The following POP1 variants were observed in gnomAD, a reference collection of about 807,000 sequenced individuals.
POP1 encodes the protein POP1 ribonuclease P/MRP subunit.
A neutral mutation model predicts 102.2 loss-of-function variants in POP1; 75 were observed. The ratio of observed to expected loss-of-function variants is 0.73; its 90% CI spans 0.61 to 0.89. POP1 has a LOEUF of 0.89. Ranked by LOEUF, POP1 falls within the 40% of genes least tolerant of loss-of-function variation. The pLI is 0.00. For synonymous variants in POP1, 436 were observed against 464.1 expected, an observed-to-expected ratio of 0.94 and a Z score of 0.78; for missense variants, 1,116 against 1,267.4, an observed-to-expected ratio of 0.88 and a Z score of 1.81.
At position 98,158,367 on chromosome 8, in the gene POP1, G is replaced by A; in HGVS notation, c.*96G>A. ...ATCTGCTTCTGCTTTAAAATATCAT[G>A]TGAAACTCCCTGGAAACAAGAATAA... On this transcript the variant is annotated 3_prime_UTR_variant, in exon 16 of 16. Transcript: ENST00000401707. 1 of 1,355,194 alleles carries A rather than the reference G, an allele frequency of 7.4e-7. No homozygotes were observed. The highest frequency in any genetic ancestry group is 1.0e-6 in the Non-Finnish European group (1 of 961,540). The allele number at this position is 1,355,194 out of a possible 1,614,324, so 83.9% of individuals were successfully genotyped here.
rs1816477327 is a variant in POP1 at position 98,134,605 on chromosome 8, T to G, written c.957T>G (p.Gly319=). Reference sequence around the variant, plus strand: ...TCTGGAAGTCCCAGAGGACCCCGGGTGACCCTTCTGAGAGCAGGCAGCTGT... The same window carrying G: ...TCTGGAAGTCCCAGAGGACCCCGGGGGACCCTTCTGAGAGCAGGCAGCTGT... ...TFIWKSQRTP[G]DPSESRQLWI... is the part of the protein sequence containing the mutation. The change falls in exon 7 of 16, where the codon GGT becomes GGG. Residue 319 remains glycine, a synonymous_variant. Transcript: ENST00000401707. 1.9e-6 allele frequency: 3 copies of G among 1,614,018 alleles called. No individual in the cohort carries two copies. The Admixed American group carries it at 5.0e-5, about 27-fold the overall frequency.
At chr8:98,123,121 T>A (rs2130575243) in intron 1 of POP1, among the ~76,000 whole-genome samples, 1 of 152,320 alleles carries the variant, frequency 6.6e-6, no homozygotes, top group South Asian at 2.1e-4. Flanking sequence ...TCCATAGCAA[T>A]CTTATCTCAT....
intron 15 of POP1, 102 bp downstream of exon 15, chr8:98,156,514 A>C: frequency 6.8e-7 from 1 of 1,466,076 alleles, no homozygotes; most frequent in Non-Finnish European, 9.3e-7. Context: ...GCAAAATCCA[A>C]GTGAATTTAT....
rs755867618 is a variant in POP1, at chr8:98,158,692, G to A, written c.*421G>A. On this transcript the variant is annotated 3_prime_UTR_variant, in exon 16 of 16. Transcript: ENST00000401707. The stretch of plus-strand genomic sequence containing the variant: ...GTTATAGCAGAAGACAAGAGAAGAC[G>A]CTTGGCCTCTGTACATGAAATATGG... 2 of 179,406 alleles carry A rather than the reference G, an allele frequency of 1.1e-5. No homozygotes were observed. The highest frequency in any genetic ancestry group is 2.3e-5 in the Non-Finnish European group (2 of 85,126). 11.1% of individuals were successfully genotyped at this position (179,406 alleles called of 1,614,324 possible).
rs150709391 is a variant in POP1, at chr8:98,127,708, G to T, written c.256G>T (p.Gly86Ter). 5 of 1,613,990 alleles carry T rather than the reference G, an allele frequency of 3.1e-6. No individual in the cohort carries two copies. In the African/African-American group the frequency reaches 6.7e-5, roughly 22 times the overall value. ...CAAAGGGATGTTTAGAAAAAAGGGAGGATGGAAAGCAGGTCCCGAGGGCAC... is the reference window on the plus strand; with the variant it reads ...CAAAGGGATGTTTAGAAAAAAGGGATGATGGAAAGCAGGTCCCGAGGGCAC... Reference protein sequence around the residue: ...SSKGMFRKKGGWKAGPEGTSQ... With the variant: ...SSKGMFRKKG The change falls in exon 3 of 16, where the codon GGA (glycine) becomes TGA (stop). Residue 86 changes from glycine to a stop codon, truncating the protein, a stop_gained. Transcript: ENST00000401707. LOFTEE classifies it high-confidence loss of function.
chr8:98,154,031 AAG>A (rs1396075640), intron 14 of POP1, among the ~76,000 whole-genome samples: 2 of 152,172 alleles, frequency 1.3e-5, no homozygotes, highest in Non-Finnish European at 2.9e-5. Flanking sequence ...TTCATGAAAA[AAG>A]AGGCACAGCT....
At chr8:98,121,087 T>C (rs2130570949) in intron 1 of POP1, among the ~76,000 whole-genome samples, 1 of 152,328 alleles carries the variant, frequency 6.6e-6, no homozygotes, top group Admixed American at 6.5e-5. Flanking sequence ...CTGGCCTGTA[T>C]ATAATGTTTA....
chr8:98,128,416 C>G lies in POP1; in HGVS notation c.362C>G (p.Ala121Gly). The G allele has an allele frequency of 6.2e-7, 1 of 1,614,154 alleles. No homozygotes were observed. The highest frequency in any genetic ancestry group is 1.3e-5 in the African/African-American group (1 of 75,046). The change falls in exon 4 of 16, where the codon GCT becomes GGT. Residue 121 changes from alanine (A) to glycine (G), a missense_variant. Physicochemically the swap from Ala to Gly is moderately conservative, Grantham distance 60. Transcript: ENST00000401707. ...RAAEISAMLK[A>G]VTQKSSNSLV... is the part of the protein sequence containing the mutation. ...GCTGAAATCAGTGCTATGTTAAAAG[C>G]TGTGACCCAGAAGTCTTCGAATTCA...
rs1809635521 is a variant in POP1, at chr8:98,155,925, GTGTGTGT to G, written c.2058-124_2058-118del. 6.2e-5 allele frequency: 43 copies of G among 694,328 alleles called. No homozygotes were observed. In the Middle Eastern group the frequency reaches 2.2e-3, roughly 35 times the overall value. The allele number at this position is 694,328 out of a possible 1,614,324, so 43.0% of individuals were successfully genotyped here. On this transcript the variant is annotated intron_variant, in intron 14 of 15. Transcript: ENST00000401707. ...GGAAAGCTTTTGTGTGTGTGTGTGT[GTGTGTGT>G]GTGTGTGTGTGTGTGTGTGTGTGTT...
rs1208647133 is a variant in POP1, at chr8:98,140,078, G to T, written c.1363G>T (p.Val455Leu). Residue 455 changes from valine to leucine, a missense_variant and splice_region_variant, in exon 10 of 16, where the codon GTG becomes TTG. Physicochemically the swap from Val to Leu is conservative, Grantham distance 32. Transcript: ENST00000401707. ...EAIKAASVHT[V>L]GEDTEETPHR... is the part of the protein sequence containing the mutation. ...GTGAATAGTAGTTGTTATTTTTCAG[G>T]TGGGAGAGGACACAGAGGAGACACC... 5 of 1,612,024 alleles carry T rather than the reference G, an allele frequency of 3.1e-6. No homozygotes were observed. The African/African-American group carries it at 6.7e-5, about 22-fold the overall frequency.
intron 5 of POP1, among the ~76,000 whole-genome samples, chr8:98,133,049 CAA>C (rs35211287): frequency 1.2e-4 from 1 of 8,600 alleles, no homozygotes; most frequent in Non-Finnish European, 2.3e-4. Context: ...TCTGTCTCTG[CAA>C]AAAAAAAAAA....
At chr8:98,138,876 A>G (rs1481678762) in intron 9 of POP1, among the ~76,000 whole-genome samples, 2 of 144,628 alleles carry the variant, frequency 1.4e-5, no homozygotes, top group African/African-American at 5.2e-5. Flanking sequence ...TGTTTGAGAC[A>G]GAGCCTCACT....
chr8:98,140,293 A>G (rs1262051143), intron 10 of POP1, 104 bp downstream of exon 10: 1 of 839,922 alleles, frequency 1.2e-6, no homozygotes, highest in Non-Finnish European at 2.0e-6. Context: ...ACCTGCTGCT[A>G]TTGTGACACA....
At chr8:98,142,725 T>C (rs1816742136) in intron 11 of POP1, among the ~76,000 whole-genome samples, 1 of 152,198 alleles carries the variant, frequency 6.6e-6, no homozygotes, top group African/African-American at 2.4e-5. Context: ...TTAAACACTC[T>C]TTGGTAGTAT....
Position 98,146,558 on chromosome 8 carries a change from T to C in POP1, c.1595-10T>C. On this transcript the variant is annotated splice_polypyrimidine_tract_variant and intron_variant, in intron 11 of 15. Coordinates refer to ENST00000401707, the MANE Select transcript of POP1 (RefSeq NM_001145860.2). ...GATGTGGTTTGAAGGCTATTTCTTT[T>C]CCCTCTTAGATAATGAGAAAGTTAG... 6.3e-7 allele frequency: 1 copy of C among 1,599,126 alleles called. No individual in the cohort carries two copies. The highest frequency in any genetic ancestry group is 8.6e-7 in the Non-Finnish European group (1 of 1,166,382).
intron 2 of POP1, among the ~76,000 whole-genome samples, chr8:98,124,295 C>T (rs1586226890): frequency 1.3e-5 from 2 of 152,172 alleles, no homozygotes; most frequent in Admixed American, 6.5e-5. Context: ...GGGGCGGTGG[C>T]TCACACCTGT....
chr8:98,141,007 G>GGTAAGGAGACTGCCCTAAT, intron 11 of POP1, 119 bp downstream of exon 11: 1 of 1,235,590 alleles, frequency 8.1e-7, no homozygotes, highest in Non-Finnish European at 1.2e-6. Context: ...AATTAGGGCA[G>GGTAAGGAGACTGCCCTAAT]TCTCCTTACC....
chr8:98,140,154 A>G lies in POP1; in HGVS notation c.1439A>G (p.His480Arg). 1.9e-6 allele frequency: 3 copies of G among 1,614,088 alleles called. No homozygotes were observed. The highest frequency in any genetic ancestry group is 2.5e-6 in the Non-Finnish European group (3 of 1,179,974). Residue 480 changes from histidine to arginine, a missense_variant, in exon 10 of 16, where the codon CAT (histidine) becomes CGT (arginine). His to Arg is a conservative substitution (Grantham distance 29). Coordinates refer to ENST00000401707, the MANE Select transcript of POP1 (RefSeq NM_001145860.2). ...TCKKPDSVSL[H>R]CRQEAIFELL... ...AAGAAACCTGACAGCGTTTCCCTTCATTGCAGACAAGAAGCCATTTTCGAG... is the reference window on the plus strand; with the variant it reads ...AAGAAACCTGACAGCGTTTCCCTTCGTTGCAGACAAGAAGCCATTTTCGAG...
intron 7 of POP1, among the ~76,000 whole-genome samples, chr8:98,135,586 C>T (rs1200741122): frequency 1.3e-5 from 2 of 152,114 alleles, no homozygotes; most frequent in African/African-American, 2.4e-5. Flanking sequence ...CCCCTAGCCC[C>T]AGCCCTAATT....
Sources: allele counts gnomAD v4.1 joint callset (sites outside exome capture counted in the v4.1 genomes callset), GRCh38; gene constraint gnomAD v4.1.1; transcripts MANE v1.5; gene names NCBI Gene and HGNC (gene_info 2026-07-23, HGNC 2026-07-21).